LATS2: variants seen among roughly 807,000 people sequenced by gnomAD.
LATS2 encodes the protein large tumor suppressor kinase 2.
In LATS2, 24 loss-of-function variants were observed where a neutral mutation model predicts 76.0. The observed-to-expected ratio is 0.32, with a 90% CI of 0.23 to 0.44. The LOEUF (loss-of-function observed/expected upper bound fraction) is 0.44. Ranked by LOEUF, LATS2 falls within the 20% of genes least tolerant of loss-of-function variation. The pLI, the probability that LATS2 is intolerant of heterozygous loss-of-function variation, is 1.00. For synonymous variants in LATS2, 692 were observed against 635.4 expected, an observed-to-expected ratio of 1.09 and a Z score of -1.34; for missense variants, 1,286 against 1,481.2, an observed-to-expected ratio of 0.87 and a Z score of 2.16.
At chr13:21,053,970 T>A (rs1227286341) in intron 1 of LATS2, among the ~76,000 whole-genome samples, 5 of 152,198 alleles carry the variant, frequency 3.3e-5, no homozygotes, top group African/African-American at 9.6e-5. Flanking sequence ...TGAAAAAGTC[T>A]TATGTATAGA....
chr13:21,049,989 C>CA (rs1325027208), intron 1 of LATS2, among the ~76,000 whole-genome samples: 1 of 151,940 alleles, frequency 6.6e-6, no homozygotes, highest in Non-Finnish European at 1.5e-5. Flanking sequence ...GGTGTGACAG[C>CA]ACACCCCTGT....
chr13:20,991,212 G>A lies in LATS2; in HGVS notation c.475+60C>T. 6.2e-7 allele frequency: 1 copy of A among 1,606,238 alleles called. No individual in the cohort carries two copies. The highest frequency in any genetic ancestry group is 1.7e-5 in the Admixed American group (1 of 59,790). The stretch of plus-strand genomic sequence containing the variant: ...GCCAGGTTGGACCCCTCTGCACGTG[G>A]TTTTGTTGTCCTTAAGCCACAAACC... On this transcript the variant is annotated intron_variant, in intron 3 of 7. Coordinates refer to ENST00000382592, the MANE Select transcript of LATS2 (RefSeq NM_014572.3). This position sits in a 1 kb window ranked among gnomAD's most constrained non-coding sequence, Gnocchi z 4.9.
intron 2 of LATS2, among the ~76,000 whole-genome samples, chr13:21,026,462 T>C (rs1405319140): frequency 1.3e-5 from 2 of 152,250 alleles, no homozygotes; most frequent in Non-Finnish European, 2.9e-5. Flanking sequence ...TTGTTTTGGT[T>C]GGTAGCATTC....
chr13:20,979,842 C>T (rs374586338), intron 6 of LATS2, 45 bp from the exon 7 acceptor site: 10 of 1,062,350 alleles, frequency 9.4e-6, no homozygotes, highest in East Asian at 2.4e-5. Flanking sequence ...CATGAATTCT[C>T]CTCCGAGGTG....
chr13:21,046,243 A>G lies in LATS2; in HGVS notation c.-204-13T>C, dbSNP rs1181262943. 6.7e-6 allele frequency: 3 copies of G among 450,176 alleles called. No individual in the cohort carries two copies. The highest frequency in any genetic ancestry group is 1.2e-5 in the Non-Finnish European group (3 of 254,608). 27.9% of individuals were successfully genotyped at this position (450,176 alleles called of 1,614,324 possible). On this transcript the variant is annotated splice_polypyrimidine_tract_variant and intron_variant, in intron 1 of 7. Coordinates refer to ENST00000382592, the MANE Select transcript of LATS2 (RefSeq NM_014572.3). ...AGATTATCACTCTCTGAAAAAGAAA[A>G]TAAATGGGAGAGAAATGTTCATTTG... is the stretch of plus-strand genomic sequence containing the variant.
chr13:21,017,467 A>C (rs1871848947), intron 2 of LATS2, among the ~76,000 whole-genome samples: 1 of 151,904 alleles, frequency 6.6e-6, no homozygotes, highest in African/African-American at 2.4e-5. Flanking sequence ...GAGCCACCAC[A>C]CCTGGATGAT....
chr13:20,997,745 T>TGGA (rs1451144499), intron 2 of LATS2, among the ~76,000 whole-genome samples: 6 of 152,318 alleles, frequency 3.9e-5, no homozygotes, highest in Non-Finnish European at 8.8e-5. Flanking sequence ...AGACACTCCT[T>TGGA]CAATCTACCG....
intron 7 of LATS2, among the ~76,000 whole-genome samples, chr13:20,977,976 C>T (rs565900037): frequency 2.6e-5 from 4 of 151,990 alleles, no homozygotes; most frequent in East Asian, 1.9e-4. Flanking sequence ...AGTGCAGTGG[C>T]GTGATCTCGG....
chr13:21,055,315 A>T (rs1873416644), intron 1 of LATS2, among the ~76,000 whole-genome samples: 1 of 152,228 alleles, frequency 6.6e-6, no homozygotes, highest in South Asian at 2.1e-4. Context: ...CTTTAAAAAA[A>T]ATGGGGATAT....
At chr13:21,043,905 C>T (rs747782482) in intron 2 of LATS2, among the ~76,000 whole-genome samples, 35 of 152,214 alleles carry the variant, frequency 2.3e-4, no homozygotes, top group Non-Finnish European at 3.8e-4. Flanking sequence ...AGATTTTAAG[C>T]TCTGCTGTTG....
chr13:20,990,020 G>A (rs1870437536), intron 3 of LATS2, among the ~76,000 whole-genome samples: 1 of 152,186 alleles, frequency 6.6e-6, no homozygotes, highest in Admixed American at 6.5e-5. Flanking sequence ...CACTTGGCTC[G>A]GCTTAGCAGA....
intron 2 of LATS2, among the ~76,000 whole-genome samples, chr13:21,041,042 G>C (rs1254408189): frequency 6.6e-6 from 1 of 151,924 alleles, no homozygotes; most frequent in Admixed American, 6.6e-5. Context: ...GCACGATCTG[G>C]GCTCACTGCA....
At chr13:21,018,794 C>A (rs1871913932) in intron 2 of LATS2, among the ~76,000 whole-genome samples, 1 of 152,106 alleles carries the variant, frequency 6.6e-6, no homozygotes, top group Non-Finnish European at 1.5e-5. Context: ...TATAGGCATG[C>A]AGCACCATGC....
At chr13:21,022,861 T>C (rs1872125846) in intron 2 of LATS2, among the ~76,000 whole-genome samples, 1 of 152,240 alleles carries the variant, frequency 6.6e-6, no homozygotes, top group Non-Finnish European at 1.5e-5. Context: ...GATTATTTCC[T>C]GCTTTAAAGG....
At chr13:20,990,094 G>A (rs1870439593) in intron 3 of LATS2, among the ~76,000 whole-genome samples, 1 of 152,250 alleles carries the variant, frequency 6.6e-6, no homozygotes, top group Non-Finnish European at 1.5e-5. Context: ...ACCTGGCAGA[G>A]TGAAGGCCCT....
Position 20,975,325 on chromosome 13 carries a change from C to A in LATS2, c.2812G>T (p.Val938Leu), listed in dbSNP as rs1466499804. ...TCCCTGGCCTCAGGGCTCAGCTTCA[C>A]CTGGGCTGGAATGTGGAGCGTGTTC... ...WENTLHIPAQ[V>L]KLSPEARDLI... Residue 938 changes from valine to leucine, a missense_variant, in exon 8 of 8, where the codon GTG (valine) becomes TTG (leucine). Physicochemically the swap from Val to Leu is conservative, Grantham distance 32 (BLOSUM62 1). This residue lies in a region of LATS2 where 210 missense variants were observed against 234.9 expected (regional missense o/e 0.89). Transcript: ENST00000382592. 6.3e-7 allele frequency: 1 copy of A among 1,597,904 alleles called. No homozygotes were observed. Among genetic ancestry groups the A allele is most frequent in the Non-Finnish European group, 8.5e-7 (1 of 1,171,840 alleles).
chr13:21,016,824 C>A (rs534631583), intron 2 of LATS2, among the ~76,000 whole-genome samples: 3 of 152,342 alleles, frequency 2.0e-5, no homozygotes, highest in African/African-American at 7.2e-5. Flanking sequence ...TAAAACTCCA[C>A]ACAACACCTG....
At chr13:20,989,352 T>C (rs1870408556) in intron 3 of LATS2, 48 bp from the exon 4 acceptor site, 1 of 1,600,676 alleles carries the variant, frequency 6.2e-7, no homozygotes, top group Non-Finnish European at 8.5e-7. Flanking sequence ...GTGTGATCAG[T>C]GGGTTCTGGC....
At chr13:21,028,727 C>A (rs1042227342) in intron 2 of LATS2, among the ~76,000 whole-genome samples, 5 of 152,118 alleles carry the variant, frequency 3.3e-5, no homozygotes, top group Non-Finnish European at 7.3e-5. Flanking sequence ...TGCACCACCA[C>A]GCCCTGCTAA....
Sources: allele counts gnomAD v4.1 joint callset (sites outside exome capture counted in the v4.1 genomes callset), GRCh38; gene constraint gnomAD v4.1.1; regional missense constraint gnomAD v4.1.1; non-coding constraint Gnocchi (gnomAD v3.1); transcripts MANE v1.5; gene names NCBI Gene and HGNC (gene_info 2026-07-23, HGNC 2026-07-21).